Variants in SNX29 observed in about 807,000 individuals in gnomAD.
SNX29 encodes sorting nexin 29.
Under a neutral mutation model 102.1 loss-of-function variants are expected in SNX29, and 78 were observed. The observed-to-expected ratio is 0.76, with a 90% CI of 0.64 to 0.92. The LOEUF is 0.92. SNX29 is among the 40% of genes least tolerant of loss of function. The pLI is 0.00. For missense variants in SNX29, 1,280 were observed against 1,061.7 expected (o/e 1.21, Z -2.86); for synonymous variants, 580 against 414.5 (o/e 1.40, Z -4.85).
chr16:12,540,494 T>G (rs761418948), intron 20 of SNX29, among the ~76,000 whole-genome samples: 1 of 152,256 alleles, frequency 6.6e-6, no homozygotes, highest in African/African-American at 2.4e-5. Context: ...TCGGCAGGGC[T>G]GGCGCCTTCT....
intron 11 of SNX29, among the ~76,000 whole-genome samples, chr16:12,108,443 G>A (rs573764872): frequency 1.3e-4 from 20 of 152,272 alleles, no homozygotes; most frequent in African/African-American, 4.1e-4. Flanking sequence ...AAGGTGTCAC[G>A]GCACCTGGAG....
chr16:12,476,383 AATATATATAT>A (rs1567603099), intron 18 of SNX29, among the ~76,000 whole-genome samples: 285 of 9,466 alleles, frequency 0.03, 18 homozygotes, highest in East Asian at 0.14. Context: ...AAAAAAAAAA[AATATATATAT>A]ATATATATAT....
chr16:12,183,198 C>T (rs866879961), intron 13 of SNX29, among the ~76,000 whole-genome samples: 3 of 152,124 alleles, frequency 2.0e-5, no homozygotes, highest in African/African-American at 4.8e-5. Context: ...GTGGAGTCTC[C>T]CTATGTTGCT....
In SNX29 at chr16:12,568,630, C is replaced by T. The variant is rs369269793; in HGVS notation, c.*1C>T. Reference sequence around the variant, plus strand: ...GGAGCCCCAGAGCGGTGACCTCTGACCTCGACAAAACCGCAGCCACGGGCC... The same window carrying T: ...GGAGCCCCAGAGCGGTGACCTCTGATCTCGACAAAACCGCAGCCACGGGCC... On this transcript the variant is annotated 3_prime_UTR_variant, in exon 21 of 21. Transcript: ENST00000566228. 2.5e-6 allele frequency: 4 copies of T among 1,602,552 alleles called. No homozygotes were observed. The highest frequency in any genetic ancestry group is 2.2e-5 in the South Asian group (2 of 91,056).
At chr16:12,033,799 G>A (rs1049483728) in intron 4 of SNX29, among the ~76,000 whole-genome samples, 1 of 151,718 alleles carries the variant, frequency 6.6e-6, no homozygotes, top group African/African-American at 2.4e-5. Flanking sequence ...TAGAGACGGG[G>A]TTTCATCATA....
intron 19 of SNX29, among the ~76,000 whole-genome samples, chr16:12,490,664 A>G (rs2088500622): frequency 6.6e-6 from 1 of 152,206 alleles, no homozygotes; most frequent in African/African-American, 2.4e-5. Context: ...TGATTTTTTA[A>G]AGAAAGAGAA....
intron 13 of SNX29, among the ~76,000 whole-genome samples, chr16:12,167,345 G>C (rs543612528): frequency 1.2e-4 from 18 of 152,148 alleles, no homozygotes; most frequent in Non-Finnish European, 1.6e-4. Flanking sequence ...GGGGCCACCT[G>C]TCTGGCCCTC....
At chr16:12,007,366 G>A (rs569229991) in intron 3 of SNX29, among the ~76,000 whole-genome samples, 4 of 152,128 alleles carry the variant, frequency 2.6e-5, no homozygotes, top group Non-Finnish European at 5.9e-5. Context: ...TTAGCCAGGC[G>A]TGGTGGTGCC....
intron 18 of SNX29, among the ~76,000 whole-genome samples, chr16:12,416,156 C>T (rs969247432): frequency 1.3e-5 from 2 of 152,144 alleles, no homozygotes; most frequent in Non-Finnish European, 2.9e-5. Flanking sequence ...GTGCTCTGTT[C>T]GGTTTCTGAC....
At chr16:12,313,890 TG>T (rs1211071040) in intron 15 of SNX29, among the ~76,000 whole-genome samples, 1 of 152,280 alleles carries the variant, frequency 6.6e-6, no homozygotes, top group Non-Finnish European at 1.5e-5. Flanking sequence ...CAAATGAGAC[TG>T]AGGCTCAAAA....
At chr16:12,544,405 A>G (rs1253039839) in intron 20 of SNX29, among the ~76,000 whole-genome samples, 4 of 152,152 alleles carry the variant, frequency 2.6e-5, no homozygotes, top group Non-Finnish European at 4.4e-5. Context: ...TTCTGCTAAA[A>G]CATTATGTCA....
In SNX29 at chr16:12,571,600, C is replaced by G. The variant is rs139143534; in HGVS notation, c.*2971C>G. 23 of 1,060,314 alleles carry G rather than the reference C, an allele frequency of 2.2e-5. No individual in the cohort carries two copies. Among genetic ancestry groups the G allele is most frequent in the Admixed American group, 5.4e-5 (1 of 18,582 alleles). The allele number at this position is 1,060,314 out of a possible 1,614,324, so 65.7% of individuals were successfully genotyped here. A position where few individuals can be genotyped will look rare whatever the true frequency, so the allele number is the denominator to read the frequency against. On this transcript the variant is annotated 3_prime_UTR_variant, in exon 21 of 21. Transcript: ENST00000566228. ...CATGGCCTGCTGTGCTGAAACAGAA[C>G]AGCAGGTTCCATCTTTCACATCTTT...
intron 15 of SNX29, among the ~76,000 whole-genome samples, chr16:12,339,555 A>T (rs973126379): frequency 5.9e-5 from 9 of 152,146 alleles, no homozygotes; most frequent in Non-Finnish European, 1.0e-4. Flanking sequence ...TGGACATCCA[A>T]GGATTGGTGT....
At chr16:12,311,388 C>A (rs2080539921) in intron 15 of SNX29, among the ~76,000 whole-genome samples, 1 of 152,238 alleles carries the variant, frequency 6.6e-6, no homozygotes. Context: ...GTGTTAGTTT[C>A]TCTGGGCAGC....
At chr16:12,557,015 A>ACCCCCCCC (rs11387141) in intron 20 of SNX29, among the ~76,000 whole-genome samples, 13 of 31,792 alleles carry the variant, frequency 4.1e-4, no homozygotes, top group Middle Eastern at 0.019. Context: ...TGGCTAATTT[A>ACCCCCCCC]CCCCCCCCCC....
intron 18 of SNX29, among the ~76,000 whole-genome samples, chr16:12,405,807 G>A (rs1326031622): frequency 1.3e-5 from 2 of 152,218 alleles, no homozygotes; most frequent in African/African-American, 4.8e-5. Flanking sequence ...GCTGAGGCGG[G>A]TGGATCGCCT....
At chr16:12,457,887 A>C (rs2086607451) in intron 18 of SNX29, among the ~76,000 whole-genome samples, 1 of 152,194 alleles carries the variant, frequency 6.6e-6, no homozygotes, top group Non-Finnish European at 1.5e-5. Flanking sequence ...TTGCGTGGGG[A>C]GACAAAAGAG....
chr16:12,173,481 C>G (rs978679833), intron 13 of SNX29, among the ~76,000 whole-genome samples: 4 of 152,164 alleles, frequency 2.6e-5, no homozygotes, highest in Admixed American at 2.6e-4. Context: ...CCTGTGGGCT[C>G]TAGTTTTTGA....
chr16:12,411,323 G>A (rs2084390262), intron 18 of SNX29, among the ~76,000 whole-genome samples: 1 of 152,166 alleles, frequency 6.6e-6, no homozygotes, highest in African/African-American at 2.4e-5. Flanking sequence ...AGCCAGACCA[G>A]GGGAGCACTT....
Sources: gnomAD v4.1 joint callset for allele counts (sites outside exome capture counted in the v4.1 genomes callset) on GRCh38, gnomAD v4.1.1 for gene constraint, MANE v1.5 for transcripts, NCBI Gene and HGNC (gene_info 2026-07-23, HGNC 2026-07-21) for gene names.